Variants in CFAP47 observed in about 807,000 individuals in gnomAD.
The protein encoded by CFAP47 is cilia and flagella associated protein 47, also known as cilia- and flagella-associated protein 47.
In CFAP47, 29 loss-of-function variants were observed where a neutral mutation model predicts 148.1. The ratio of observed to expected loss-of-function variants is 0.20; its 90% CI spans 0.15 to 0.27. The LOEUF (loss-of-function observed/expected upper bound fraction) is 0.27. Among genes scored for constraint, CFAP47 ranks in the 10% least tolerant of loss-of-function variants. The pLI is 1.00. For missense variants in CFAP47, 1,872 were observed against 1,697.5 expected (o/e 1.10, Z -1.81); for synonymous variants, 664 against 577.3 (o/e 1.15, Z -2.15).
chrX:35,969,526 A>G (rs1351021503), intron 10 of CFAP47, among the ~76,000 whole-genome samples: 1 of 111,734 alleles, frequency 8.9e-6, no homozygotes, highest in Non-Finnish European at 1.9e-5. Context: ...TAAGCTGCAG[A>G]GATTACATTT....
chrX:36,260,076 G>GGTGT (rs781880900), intron 49 of CFAP47, among the ~76,000 whole-genome samples: 1 of 84,116 alleles, frequency 1.2e-5, no homozygotes, highest in Non-Finnish European at 2.0e-5. Context: ...AGTGTTCCAT[G>GGTGT]GTGTGTGTGT....
chrX:36,009,324 GA>G (rs1288720744), intron 21 of CFAP47, among the ~76,000 whole-genome samples: 1 of 110,657 alleles, frequency 9.0e-6, no homozygotes, highest in African/African-American at 3.3e-5. Context: ...ATCAAATTAA[GA>G]AAAAAAGCAG....
intron 57 of CFAP47, among the ~76,000 whole-genome samples, chrX:36,322,612 G>A (rs917465492): frequency 1.8e-5 from 2 of 110,687 alleles, no homozygotes; most frequent in African/African-American, 6.5e-5. Context: ...AAGAATTTTA[G>A]CTTGAAAAAT....
At chrX:35,973,575 ATGCCTGCAACT>A (rs200722645) in intron 13 of CFAP47, among the ~76,000 whole-genome samples, 1,849 of 111,848 alleles carry the variant, frequency 0.017, 45 homozygotes, top group African/African-American at 0.057. Flanking sequence ...TAATGTAGAT[ATGCCTGCAACT>A]TGGATTCTTA....
At position 36,373,948 on chromosome X, in the gene CFAP47, G is replaced by A. The variant is rs1263948385; in HGVS notation, c.9186-5402G>A. ...ATGGTGAAGAGCCTTTTAATATATT[G>A]GCAGAAATGGTTTACTAATACTGTA... is the stretch of plus-strand genomic sequence containing the variant. On this transcript the variant is annotated intron_variant, in intron 62 of 63. Coordinates refer to ENST00000378653, the MANE Select transcript of CFAP47 (RefSeq NM_001304548.2). Among the ~76,000 whole-genome samples, 4 of 111,172 alleles carry A rather than the reference G, an allele frequency of 3.6e-5. 1 individual carries two copies. The highest frequency in any genetic ancestry group is 2.9e-4 in the Admixed American group (3 of 10,462).
chrX:35,981,110 G>T (rs1042090106), intron 15 of CFAP47, among the ~76,000 whole-genome samples: 7 of 109,304 alleles, frequency 6.4e-5, no homozygotes, highest in Non-Finnish European at 1.3e-4. Flanking sequence ...GAGGAAAAGG[G>T]GAGTAAAGTT....
rs753776196 is a variant in CFAP47 at position 35,975,801 on chromosome X, A to G, written c.2601A>G (p.Thr867=). Reference sequence around the variant, plus strand: ...GACCACGAGGCTTCTTCATGAAAACATGTTTTCGGGGGACAGTTAGATTGT... The same window carrying G: ...GACCACGAGGCTTCTTCATGAAAACGTGTTTTCGGGGGACAGTTAGATTGT... ...VLRPRGFFMK[T]CFRGTVRLYN... The change falls in exon 15 of 64, where the codon ACA becomes ACG. Residue 867 remains threonine, a synonymous_variant. Coordinates refer to ENST00000378653, the MANE Select transcript of CFAP47 (RefSeq NM_001304548.2). 15 of 1,208,937 alleles carry G rather than the reference A, an allele frequency of 1.2e-5. No homozygotes were observed. In the Admixed American group the frequency reaches 2.4e-4, roughly 19 times the overall value.
chrX:36,380,921 G>A (rs1556024019), intron 63 of CFAP47, among the ~76,000 whole-genome samples: 1 of 111,940 alleles, frequency 8.9e-6, no homozygotes, highest in African/African-American at 3.2e-5. Flanking sequence ...ATTTCTCTGT[G>A]TTGATTTGAC....
intron 49 of CFAP47, among the ~76,000 whole-genome samples, chrX:36,275,192 T>C (rs1195583903): frequency 9.1e-6 from 1 of 110,260 alleles, no homozygotes; most frequent in Non-Finnish European, 1.9e-5. Context: ...GCTCAAGTGA[T>C]TCTACTGAGT....
chrX:35,984,523 A>G (rs951224875), intron 15 of CFAP47, among the ~76,000 whole-genome samples: 4 of 110,883 alleles, frequency 3.6e-5, no homozygotes, highest in Non-Finnish European at 7.6e-5. Context: ...CTGTTTTTCT[A>G]GTTCCTCTAG....
chrX:36,096,707 A>G (rs1014498571), intron 30 of CFAP47, among the ~76,000 whole-genome samples: 2 of 108,509 alleles, frequency 1.8e-5, no homozygotes, highest in Admixed American at 2.0e-4. Context: ...ATCTTTTTCC[A>G]TCCGTGTATG....
intron 33 of CFAP47, among the ~76,000 whole-genome samples, chrX:36,110,306 G>A (rs1938534818): frequency 9.0e-6 from 1 of 111,242 alleles, no homozygotes. Context: ...GTAAGGAAGG[G>A]GTCCAGTTTC....
At chrX:36,213,326 T>C (rs1198874671) in intron 45 of CFAP47, among the ~76,000 whole-genome samples, 7 of 111,223 alleles carry the variant, frequency 6.3e-5, no homozygotes, top group African/African-American at 2.3e-4. Flanking sequence ...CCACTCCAGC[T>C]CACTTTTGGT....
intron 15 of CFAP47, among the ~76,000 whole-genome samples, chrX:35,977,036 G>A (rs890438744): frequency 1.8e-5 from 2 of 111,561 alleles, no homozygotes; most frequent in African/African-American, 6.5e-5. Flanking sequence ...ACCTCATGAT[G>A]GCACAAGCTA....
chrX:36,132,302 C>T (rs1264008894), intron 33 of CFAP47, among the ~76,000 whole-genome samples: 1 of 111,719 alleles, frequency 9.0e-6, no homozygotes, highest in African/African-American at 3.2e-5. Context: ...CTTGAATTTT[C>T]TGGTTTCTGA....
intron 23 of CFAP47, among the ~76,000 whole-genome samples, chrX:36,032,045 T>A (rs1389960591): frequency 1.8e-5 from 2 of 111,199 alleles, no homozygotes; most frequent in African/African-American, 6.5e-5. Context: ...TCTACTGAAA[T>A]TAAAATGTGA....
At chrX:36,270,106 A>T (rs1372376983) in intron 49 of CFAP47, among the ~76,000 whole-genome samples, 1 of 111,911 alleles carries the variant, frequency 8.9e-6, no homozygotes, top group African/African-American at 3.2e-5. Context: ...AATTAAAAAT[A>T]TAGCTGCTAT....
At chrX:36,017,148 C>T (rs896665897) in intron 22 of CFAP47, among the ~76,000 whole-genome samples, 1 of 111,010 alleles carries the variant, frequency 9.0e-6, no homozygotes, top group African/African-American at 3.3e-5. Flanking sequence ...GGGCATATAC[C>T]GAAAAGAAAG....
At chrX:35,978,896 C>A (rs1254520090) in intron 15 of CFAP47, among the ~76,000 whole-genome samples, 1 of 111,885 alleles carries the variant, frequency 8.9e-6, no homozygotes, top group Non-Finnish European at 1.9e-5. Flanking sequence ...CTTTGTCCTT[C>A]TTCCCTGAGG....
Sources: gnomAD v4.1 joint callset for allele counts (sites outside exome capture counted in the v4.1 genomes callset) on GRCh38, gnomAD v4.1.1 for gene constraint, MANE v1.5 for transcripts, NCBI Gene and HGNC (gene_info 2026-07-23, HGNC 2026-07-21) for gene names.